Variants in ARHGAP24 observed in about 807,000 individuals in gnomAD.
ARHGAP24 encodes Rho GTPase activating protein 24.
In ARHGAP24, 50 loss-of-function variants were observed where a neutral mutation model predicts 76.4. The observed-to-expected ratio is 0.65, with a 90% CI of 0.52 to 0.83. ARHGAP24 has a LOEUF of 0.83. Ranked by LOEUF, ARHGAP24 falls within the 40% of genes least tolerant of loss-of-function variation. ARHGAP24 has a pLI of 0.00. For synonymous variants in ARHGAP24, 345 were observed against 323.3 expected, an observed-to-expected ratio of 1.07 and a Z score of -0.72; for missense variants, 930 against 914.2, an observed-to-expected ratio of 1.02 and a Z score of -0.22.
At chr4:85,671,132 A>G (rs72972826) in intron 2 of ARHGAP24, among the ~76,000 whole-genome samples, 14 of 152,192 alleles carry the variant, frequency 9.2e-5, no homozygotes, top group African/African-American at 2.4e-4. Flanking sequence ...TTTTTGCTTC[A>G]TCGATACTGA....
At chr4:85,927,689 A>C (rs1248149162) in intron 4 of ARHGAP24, among the ~76,000 whole-genome samples, 4 of 152,246 alleles carry the variant, frequency 2.6e-5, no homozygotes, top group Admixed American at 6.5e-5. Context: ...TATCAATCAC[A>C]GTATACCACC....
At chr4:85,857,409 A>C (rs1731640121) in intron 3 of ARHGAP24, among the ~76,000 whole-genome samples, 1 of 152,244 alleles carries the variant, frequency 6.6e-6, no homozygotes, top group Non-Finnish European at 1.5e-5. Flanking sequence ...CTGAAAGTAT[A>C]AGAATGTATC....
intron 1 of ARHGAP24, among the ~76,000 whole-genome samples, chr4:85,567,856 T>C (rs1460460533): frequency 1.3e-5 from 2 of 152,238 alleles, no homozygotes; most frequent in African/African-American, 4.8e-5. Context: ...ATTTTCCTCA[T>C]CTAACAATAG....
chr4:85,571,823 C>G (rs541758749), intron 2 of ARHGAP24, among the ~76,000 whole-genome samples: 9 of 152,212 alleles, frequency 5.9e-5, no homozygotes, highest in Middle Eastern at 6.8e-3. Flanking sequence ...ATTGTTAACT[C>G]TCTTTGTGCA....
intron 9 of ARHGAP24, among the ~76,000 whole-genome samples, chr4:85,996,623 T>A (rs572481631): frequency 2.0e-5 from 3 of 152,232 alleles, no homozygotes; most frequent in Non-Finnish European, 4.4e-5. Context: ...ATACTACTTA[T>A]AAATGAGATT....
chr4:85,621,434 T>C (rs184183139), intron 2 of ARHGAP24, among the ~76,000 whole-genome samples: 5 of 152,194 alleles, frequency 3.3e-5, no homozygotes, highest in African/African-American at 1.2e-4. Context: ...ACATCTGTTA[T>C]ATTTTGACTT....
At chr4:85,552,842 G>A (rs891346283) in intron 1 of ARHGAP24, among the ~76,000 whole-genome samples, 6 of 152,032 alleles carry the variant, frequency 3.9e-5, no homozygotes, top group East Asian at 1.9e-4. Context: ...GATAGCAACC[G>A]CTGCTTGGTA....
chr4:85,762,478 AGC>A (rs1385823709), intron 3 of ARHGAP24, among the ~76,000 whole-genome samples: 2 of 152,178 alleles, frequency 1.3e-5, no homozygotes, highest in Non-Finnish European at 2.9e-5. Context: ...AATTAACATA[AGC>A]TAACAAATAT....
chr4:85,655,606 A>AC (rs1722110130), intron 2 of ARHGAP24, among the ~76,000 whole-genome samples: 1 of 151,650 alleles, frequency 6.6e-6, no homozygotes, highest in Non-Finnish European at 1.5e-5. Context: ...ACATGGTGAA[A>AC]CTCTGTCTCT....
chr4:85,597,651 C>G lies in ARHGAP24; in HGVS notation c.180+26930C>G, dbSNP rs569797253. On this transcript the variant is annotated intron_variant, in intron 2 of 9. Coordinates refer to ENST00000395184, the MANE Select transcript of ARHGAP24 (RefSeq NM_001025616.3). ...CAACTTTTTTTTTTTTCTGACTAGA[C>G]ACTGGTATTTGGGAGACATTAAATA... is the stretch of plus-strand genomic sequence containing the variant. 2.0e-5 allele frequency among the ~76,000 whole-genome samples: 3 copies of G among 150,862 alleles called. No individual in the cohort carries two copies. The East Asian group carries it at 5.8e-4, about 29-fold the overall frequency.
chr4:85,512,083 G>T (rs1578194608), intron 1 of ARHGAP24, among the ~76,000 whole-genome samples: 1 of 152,102 alleles, frequency 6.6e-6, no homozygotes, highest in African/African-American at 2.4e-5. Context: ...CCCAAATAAG[G>T]CCATATTCTG....
chr4:85,572,680 G>A (rs1434349499), intron 2 of ARHGAP24, among the ~76,000 whole-genome samples: 2 of 151,826 alleles, frequency 1.3e-5, no homozygotes, highest in African/African-American at 4.8e-5. Flanking sequence ...AGTATTTGTA[G>A]ACTTACTATA....
rs369811375 is a variant in ARHGAP24 at position 85,526,223 on chromosome 4, A to G, written c.-20-44299A>G. Among the ~76,000 whole-genome samples the G allele has an allele frequency of 2.6e-5, 4 of 151,942 alleles. No individual in the cohort carries two copies. In the East Asian group the frequency reaches 5.8e-4, roughly 22 times the overall value. On this transcript the variant is annotated intron_variant, in intron 1 of 9. Coordinates refer to ENST00000395184, the MANE Select transcript of ARHGAP24 (RefSeq NM_001025616.3). ...CGAAGTGTTTAAGACTAGCCTGGAC[A>G]ACGTGGCAAAACTCCGTCTCTATAA...
chr4:85,783,015 A>G (rs1041684405), intron 3 of ARHGAP24, among the ~76,000 whole-genome samples: 2 of 152,222 alleles, frequency 1.3e-5, no homozygotes, highest in African/African-American at 4.8e-5. Flanking sequence ...ATGCTAAAAC[A>G]TGAACAGTTC....
In ARHGAP24 at chr4:85,994,867, A is replaced by T; in HGVS notation, c.1213A>T (p.Asn405Tyr). Residue 405 changes from asparagine (N) to tyrosine (Y), a missense_variant, in exon 9 of 10, where the codon AAC (asparagine) becomes TAC (tyrosine). By Grantham distance (143) the Asn-to-Tyr change is moderately radical (BLOSUM62 -2). Coordinates refer to ENST00000395184, the MANE Select transcript of ARHGAP24 (RefSeq NM_001025616.3). ...AGGCAGCAAAACCAACAGCCCAAAG[A>T]ACAGTGTTCACAAGCTAGATGTGTC... The part of the protein sequence containing the change: ...LSGSKTNSPK[N>Y]SVHKLDVSRS... 6.2e-7 allele frequency: 1 copy of T among 1,614,130 alleles called. No individual in the cohort carries two copies. The highest frequency in any genetic ancestry group is 8.5e-7 in the Non-Finnish European group (1 of 1,180,020).
chr4:85,760,619 G>A (rs1036113429), intron 3 of ARHGAP24, among the ~76,000 whole-genome samples: 1 of 152,196 alleles, frequency 6.6e-6, no homozygotes, highest in South Asian at 2.1e-4. Context: ...TACCTTTGGA[G>A]CAGTACTTGA....
At chr4:85,492,596 T>C (rs1209162216) in intron 1 of ARHGAP24, among the ~76,000 whole-genome samples, 1 of 152,166 alleles carries the variant, frequency 6.6e-6, no homozygotes, top group African/African-American at 2.4e-5. Context: ...CGGGATAACA[T>C]GGCTGAAAAC....
At chr4:85,854,252 T>C (rs892209959) in intron 3 of ARHGAP24, among the ~76,000 whole-genome samples, 1 of 151,808 alleles carries the variant, frequency 6.6e-6, no homozygotes, top group African/African-American at 2.4e-5. Flanking sequence ...GCATTTTAAA[T>C]ACTTGAAAAA....
chr4:85,567,723 AG>A (rs1388491039), intron 1 of ARHGAP24, among the ~76,000 whole-genome samples: 1 of 152,240 alleles, frequency 6.6e-6, no homozygotes. Flanking sequence ...AAGAGACCAT[AG>A]TTGGAAATAA....
Sources: gnomAD v4.1 joint callset for allele counts (sites outside exome capture counted in the v4.1 genomes callset) on GRCh38, gnomAD v4.1.1 for gene constraint, MANE v1.5 for transcripts, NCBI Gene and HGNC (gene_info 2026-07-23, HGNC 2026-07-21) for gene names.